DDX1: variants seen among roughly 807,000 people sequenced by gnomAD.
The protein encoded by DDX1 is DEAD-box helicase 1, also known as ATP-dependent RNA helicase DDX1.
A neutral mutation model predicts 108.7 loss-of-function variants in DDX1; 28 were observed. The observed-to-expected ratio is 0.26, with a 90% confidence interval of 0.19 to 0.35. DDX1 has a LOEUF of 0.35. Ranked by LOEUF, DDX1 falls within the 10% of genes least tolerant of loss-of-function variation. DDX1 has a pLI of 1.00. For missense variants in DDX1, 710 were observed against 884.5 expected (o/e 0.80, Z 2.50); for synonymous variants, 295 against 288.9 (o/e 1.02, Z -0.21).
At chr2:15,605,894 C>T in intron 10 of DDX1, 56 bp from the exon 11 acceptor site, 2 of 1,194,568 alleles carry the variant, frequency 1.7e-6, no homozygotes, top group Non-Finnish European at 1.2e-6. Context: ...ACATTGTCAG[C>T]ATGAGGAAGG....
chr2:15,597,745 C>T (rs1250131357), intron 5 of DDX1, among the ~76,000 whole-genome samples: 1 of 152,010 alleles, frequency 6.6e-6, no homozygotes, highest in Admixed American at 6.6e-5. Flanking sequence ...TTTTCTTAAC[C>T]TTATAACTTT....
chr2:15,605,603 C>G (rs1298913348), intron 10 of DDX1, among the ~76,000 whole-genome samples: 1 of 151,990 alleles, frequency 6.6e-6, no homozygotes, highest in African/African-American at 2.4e-5. Flanking sequence ...AAATGGAAAT[C>G]GGAGTTTCAC....
chr2:15,612,111 G>T, intron 13 of DDX1, among the ~76,000 whole-genome samples: 1 of 141,580 alleles, frequency 7.1e-6, no homozygotes, highest in South Asian at 2.3e-4. Context: ...CCTCCCTCCC[G>T]GACGGGGCGG....
At position 15,599,472 on chromosome 2, in the gene DDX1, AATTTTTGT is replaced by A. The variant is rs572945527; in HGVS notation, c.260-190_260-183del. 5.3e-3 allele frequency among the ~76,000 whole-genome samples: 803 copies of A among 150,992 alleles called. 8 individuals carry two copies. Among genetic ancestry groups the A allele is most frequent in the African/African-American group, 0.019 (773 of 41,206 alleles). ...CAGTCACACGCCACCATGCCTGGCT[AATTTTTGT>A]ATTTTTTTTTTTAGTAGAGATGAGG... On this transcript the variant is annotated intron_variant, in intron 5 of 25. Coordinates refer to ENST00000233084, the MANE Select transcript of DDX1 (RefSeq NM_004939.3).
At position 15,629,664 on chromosome 2, in the gene DDX1, T is replaced by C. The variant is rs2148750947; in HGVS notation, c.1938T>C (p.Asp646=). Reference sequence around the variant, plus strand: ...GTTATAACACAAGACTCAAGGAAGATGGAGGCTGTACCATATGGTACAACG... The same window carrying C: ...GTTATAACACAAGACTCAAGGAAGACGGAGGCTGTACCATATGGTACAACG... ...KGCYNTRLKE[D]GGCTIWYNEM... The change falls in exon 24 of 26, where the codon GAT becomes GAC. Residue 646 remains aspartate (D), a synonymous_variant. Coordinates refer to ENST00000233084, the MANE Select transcript of DDX1 (RefSeq NM_004939.3). 6.3e-7 allele frequency: 1 copy of C among 1,589,510 alleles called. No homozygotes were observed. Among genetic ancestry groups the C allele is most frequent in the Non-Finnish European group, 8.5e-7 (1 of 1,172,556 alleles).
intron 14 of DDX1, among the ~76,000 whole-genome samples, chr2:15,615,772 T>C (rs960483132): frequency 6.6e-6 from 1 of 152,222 alleles, no homozygotes; most frequent in African/African-American, 2.4e-5. Flanking sequence ...TGTTGTTTTT[T>C]AATGCCTGCC....
chr2:15,629,479 A>AAT (rs1370901832), intron 23 of DDX1, 123 bp from the exon 24 acceptor site: 2 of 659,354 alleles, frequency 3.0e-6, no homozygotes, highest in African/African-American at 3.9e-5. Flanking sequence ...ATGATATATC[A>AAT]TACCTATAAT....
intron 14 of DDX1, 40 bp from the exon 15 acceptor site, chr2:15,617,204 T>C (rs1665910602): frequency 3.7e-6 from 4 of 1,080,898 alleles, no homozygotes; most frequent in Non-Finnish European, 5.5e-6. Context: ...TTATACTGTT[T>C]CTTTAGTTTT....
intron 6 of DDX1, among the ~76,000 whole-genome samples, chr2:15,602,277 T>C (rs186711328): frequency 6.6e-6 from 1 of 152,340 alleles, no homozygotes; most frequent in Admixed American, 6.5e-5. Flanking sequence ...GACTTGTTGC[T>C]GTAAAATCTT....
chr2:15,613,386 G>T (rs908565571), intron 14 of DDX1, 102 bp downstream of exon 14: 5 of 732,940 alleles, frequency 6.8e-6, no homozygotes, highest in Non-Finnish European at 1.1e-5. Flanking sequence ...GCTGAAATTA[G>T]AGCAAGGTCA....
rs1342555645 is a variant in DDX1, at chr2:15,628,646, G to A, written c.1768G>A (p.Val590Ile). Residue 590 changes from valine to isoleucine, a missense_variant, in exon 22 of 26, where the codon GTC becomes ATC. This residue lies in a region of DDX1 where 661 missense variants were observed against 810.2 expected (regional missense o/e 0.82). Transcript: ENST00000233084. ...DIHGVPYVIN[V>I]TLPDEKQNYV... is the part of the protein sequence containing the mutation. ...ATGGTTTTTATTTATAGTTATAAAT[G>A]TCACTCTGCCCGATGAAAAGCAAAA... 4 of 1,611,518 alleles carry A rather than the reference G, an allele frequency of 2.5e-6. No homozygotes were observed. The South Asian group carries it at 4.4e-5, about 18-fold the overall frequency.
intron 13 of DDX1, among the ~76,000 whole-genome samples, chr2:15,612,299 C>T (rs1286151413): frequency 2.0e-5 from 3 of 149,584 alleles, no homozygotes; most frequent in Non-Finnish European, 4.5e-5. Context: ...GGGTCGCGGC[C>T]GGGTAGAGGC....
At chr2:15,614,048 T>C (rs1300397851) in intron 14 of DDX1, among the ~76,000 whole-genome samples, 2 of 152,136 alleles carry the variant, frequency 1.3e-5, no homozygotes, top group African/African-American at 2.4e-5. Flanking sequence ...CTTGAACTCC[T>C]GACCTCAGGT....
intron 14 of DDX1, among the ~76,000 whole-genome samples, chr2:15,614,301 C>T (rs1360772200): frequency 6.6e-6 from 1 of 152,206 alleles, no homozygotes; most frequent in African/African-American, 2.4e-5. Flanking sequence ...TGTCCTTTCT[C>T]CAATTCCATT....
intron 16 of DDX1, among the ~76,000 whole-genome samples, chr2:15,618,793 C>T (rs942705219): frequency 5.3e-5 from 8 of 152,256 alleles, no homozygotes; most frequent in African/African-American, 1.7e-4. Context: ...GCCCTCCTTC[C>T]GTGTTCGCTG....
At chr2:15,605,914 A>G in intron 10 of DDX1, 36 bp from the exon 11 acceptor site, 2 of 1,407,294 alleles carry the variant, frequency 1.4e-6, no homozygotes, top group South Asian at 1.4e-5. Context: ...GTCTTTTCTG[A>G]TTGTTTTAAT....
chr2:15,609,509 A>C (rs1213097262), intron 13 of DDX1, among the ~76,000 whole-genome samples: 1 of 152,122 alleles, frequency 6.6e-6, no homozygotes, highest in Admixed American at 6.5e-5. Flanking sequence ...TAATTTTCTT[A>C]ATTTTTATTT....
In DDX1 at chr2:15,598,929, A is replaced by C. The variant is rs538884098; in HGVS notation, c.260-740A>C. On this transcript the variant is annotated intron_variant, in intron 5 of 25. Transcript: ENST00000233084. ...ATGTGGTATTGAATTAAGATAAAGG[A>C]CTTGCTTTTTTTTTGATAGTTACAA... Among the ~76,000 whole-genome samples, 300 of 141,228 alleles carry C rather than the reference A, an allele frequency of 2.1e-3. 1 individual carries two copies. The highest frequency in any genetic ancestry group is 4.6e-3 in the Admixed American group (66 of 14,494). 92.7% of individuals were successfully genotyped at this position (141,228 alleles called of 152,430 possible).
At position 15,612,837 on chromosome 2, in the gene DDX1, T is replaced by A. The variant is rs964684866; in HGVS notation, c.957-387T>A. On this transcript the variant is annotated intron_variant, in intron 13 of 25. Coordinates refer to ENST00000233084, the MANE Select transcript of DDX1 (RefSeq NM_004939.3). Reference sequence around the variant, plus strand: ...CCGGCCAACACAGCGAAACCCCGTCTCCACCAAAAAAATACGAAAACCAGT... The same window carrying A: ...CCGGCCAACACAGCGAAACCCCGTCACCACCAAAAAAATACGAAAACCAGT... Among the ~76,000 whole-genome samples, 244 of 152,050 alleles carry A rather than the reference T, an allele frequency of 1.6e-3. 9 individuals are homozygous for A. Among genetic ancestry groups the A allele is most frequent in the Non-Finnish European group, 5.1e-4 (35 of 67,996 alleles).
Sources: gnomAD v4.1 joint callset for allele counts (sites outside exome capture counted in the v4.1 genomes callset) on GRCh38, gnomAD v4.1.1 for gene constraint, gnomAD v4.1.1 regional missense constraint, MANE v1.5 for transcripts, NCBI Gene and HGNC (gene_info 2026-07-23, HGNC 2026-07-21) for gene names.